NKAIN3: variants seen among roughly 807,000 people sequenced by gnomAD.
The protein encoded by NKAIN3 is sodium/potassium transporting ATPase interacting 3.
Under a neutral mutation model 30.2 loss-of-function variants are expected in NKAIN3, and 25 were observed. The observed-to-expected ratio is 0.83, with a 90% CI of 0.60 to 1.16. The LOEUF (loss-of-function observed/expected upper bound fraction) is 1.16, where lower values mean the gene tolerates loss of function less well. Among genes scored for constraint, NKAIN3 ranks in the 50% most tolerant of loss-of-function variants. NKAIN3 has a pLI of 0.00. For synonymous variants in NKAIN3, 91 were observed against 89.6 expected (o/e 1.02, Z -0.09); for missense variants, 225 against 254.1 (o/e 0.89, Z 0.78).
chr8:62,828,030 T>G (rs1008239674), intron 4 of NKAIN3, among the ~76,000 whole-genome samples: 1 of 151,702 alleles, frequency 6.6e-6, no homozygotes, highest in Non-Finnish European at 1.5e-5. Context: ...CTTCATCAGG[T>G]GAAGAGAAAA....
At chr8:62,599,632 G>A (rs1810933229) in intron 3 of NKAIN3, among the ~76,000 whole-genome samples, 1 of 152,064 alleles carries the variant, frequency 6.6e-6, no homozygotes, top group African/African-American at 2.4e-5. Flanking sequence ...TGCAAGAGCT[G>A]TAAAAGGGAA....
chr8:62,495,374 T>G (rs1807201886), intron 1 of NKAIN3, among the ~76,000 whole-genome samples: 1 of 151,894 alleles, frequency 6.6e-6, no homozygotes, highest in Admixed American at 6.6e-5. Flanking sequence ...GATAAATGAG[T>G]GCAGAATATG....
chr8:62,598,572 C>T lies in NKAIN3; in HGVS notation c.273+8778C>T, dbSNP rs188036011. On this transcript the variant is annotated intron_variant, in intron 3 of 6. Coordinates refer to ENST00000623646, the MANE Select transcript of NKAIN3 (RefSeq NM_001304533.3). ...TGGTATAAGAGGAAGTTCTTAACCACGTTTCCACCCTGCTACATAGGGGCA... is the reference window on the plus strand; with the variant it reads ...TGGTATAAGAGGAAGTTCTTAACCATGTTTCCACCCTGCTACATAGGGGCA... 5.2e-4 allele frequency among the ~76,000 whole-genome samples: 79 copies of T among 152,200 alleles called. No homozygotes were observed. In the East Asian group the frequency reaches 6.8e-3, roughly 13 times the overall value.
chr8:62,757,674 A>C (rs1226579222), intron 4 of NKAIN3, among the ~76,000 whole-genome samples: 1 of 152,212 alleles, frequency 6.6e-6, no homozygotes, highest in Non-Finnish European at 1.5e-5. Context: ...TTGGATGGGA[A>C]GAAGGGAAAA....
At chr8:62,573,621 T>C (rs924500875) in intron 1 of NKAIN3, among the ~76,000 whole-genome samples, 2 of 152,166 alleles carry the variant, frequency 1.3e-5, no homozygotes, top group East Asian at 3.8e-4. Flanking sequence ...CTATTCTTTA[T>C]AGTGTACAGA....
chr8:62,984,002 C>T lies in NKAIN3; in HGVS notation c.*18595C>T, dbSNP rs990147153. 7.9e-5 allele frequency: 12 copies of T among 152,134 alleles called. No individual in the cohort carries two copies. Among genetic ancestry groups the T allele is most frequent in the African/African-American group, 2.9e-4 (12 of 41,432 alleles). The allele number at this position is 152,134 out of a possible 1,614,324, so 9.4% of individuals were successfully genotyped here. A position where few individuals can be genotyped will look rare whatever the true frequency, so the allele number is the denominator to read the frequency against. ...AAGGAACTCAGTAAAAGATCAAAAGCAATGCTCAAAGGGAGTGCCTGGGTA... is the reference window on the plus strand; with the variant it reads ...AAGGAACTCAGTAAAAGATCAAAAGTAATGCTCAAAGGGAGTGCCTGGGTA... On this transcript the variant is annotated 3_prime_UTR_variant, in exon 7 of 7. Coordinates refer to ENST00000623646, the MANE Select transcript of NKAIN3 (RefSeq NM_001304533.3).
At chr8:62,553,266 G>A (rs1477889904) in intron 1 of NKAIN3, among the ~76,000 whole-genome samples, 4 of 152,046 alleles carry the variant, frequency 2.6e-5, no homozygotes, top group Non-Finnish European at 5.9e-5. Context: ...ATGATTTAAA[G>A]CAAGATTGCC....
At position 62,976,981 on chromosome 8, in the gene NKAIN3, TC is replaced by T. The variant is rs1471733994; in HGVS notation, c.*11575del. ...GGATATGAAATTCTGGGTTGAAAAT[TC>T]TTTTCTTTAAGAATGTTGAATATTA... On this transcript the variant is annotated 3_prime_UTR_variant, in exon 7 of 7. Transcript: ENST00000623646. Among the ~76,000 whole-genome samples, 5 of 152,196 alleles carry T rather than the reference TC, an allele frequency of 3.3e-5. No individual in the cohort carries two copies. Among genetic ancestry groups the T allele is most frequent in the Non-Finnish European group, 7.3e-5 (5 of 68,028 alleles).
chr8:62,403,797 G>A (rs1254085747), intron 1 of NKAIN3, among the ~76,000 whole-genome samples: 2 of 152,200 alleles, frequency 1.3e-5, no homozygotes, highest in Non-Finnish European at 1.5e-5. Context: ...CCTCACTGGG[G>A]CACTGCCTGG....
chr8:62,726,778 G>A (rs1276213470), intron 3 of NKAIN3, among the ~76,000 whole-genome samples: 1 of 152,026 alleles, frequency 6.6e-6, no homozygotes, highest in East Asian at 1.9e-4. Context: ...GACATTTAAA[G>A]AAGAAATTAT....
At chr8:62,312,612 G>GT (rs1397170365) in intron 1 of NKAIN3, among the ~76,000 whole-genome samples, 1 of 142,746 alleles carries the variant, frequency 7.0e-6, no homozygotes, top group African/African-American at 3.1e-5. Flanking sequence ...GAGCCCAGGA[G>GT]TTTGAGACCA....
rs1817429477 is a variant in NKAIN3 at position 62,386,525 on chromosome 8, T to A, written c.54+137398T>A. ...CAATGTATGATTGCAAGTTAATTATTTGATTTATTTCTAATTTTTAAAATA... is the reference window on the plus strand; with the variant it reads ...CAATGTATGATTGCAAGTTAATTATATGATTTATTTCTAATTTTTAAAATA... On this transcript the variant is annotated intron_variant, in intron 1 of 6. Coordinates refer to ENST00000623646, the MANE Select transcript of NKAIN3 (RefSeq NM_001304533.3). Among the ~76,000 whole-genome samples, 4 of 152,208 alleles carry A rather than the reference T, an allele frequency of 2.6e-5. No individual in the cohort carries two copies. The South Asian group carries it at 8.3e-4, about 32-fold the overall frequency.
intron 3 of NKAIN3, among the ~76,000 whole-genome samples, chr8:62,656,662 C>T (rs369640920): frequency 5.9e-5 from 9 of 152,180 alleles, no homozygotes; most frequent in Middle Eastern, 3.4e-3. Context: ...TTGCGAATTG[C>T]GATAAGAGTG....
intron 1 of NKAIN3, among the ~76,000 whole-genome samples, chr8:62,426,280 G>A (rs1235713799): frequency 6.6e-6 from 1 of 151,836 alleles, no homozygotes; most frequent in Non-Finnish European, 1.5e-5. Flanking sequence ...TTGACAATGG[G>A]TATTTTAAAG....
chr8:62,511,003 T>C (rs926604204), intron 1 of NKAIN3, among the ~76,000 whole-genome samples: 3 of 152,052 alleles, frequency 2.0e-5, no homozygotes, highest in African/African-American at 7.2e-5. Context: ...TTCTCAGTCC[T>C]CCTAAGGAAA....
At chr8:62,373,166 C>T (rs16928784) in intron 1 of NKAIN3, among the ~76,000 whole-genome samples, 21,040 of 152,016 alleles carry the variant, frequency 0.14, 1,743 homozygotes, top group East Asian at 0.4. Flanking sequence ...ACATTTCATC[C>T]CAAATATTAT....
chr8:62,522,954 TA>T (rs1021246999), intron 1 of NKAIN3, among the ~76,000 whole-genome samples: 5 of 152,110 alleles, frequency 3.3e-5, no homozygotes, highest in Non-Finnish European at 5.9e-5. Context: ...TAGTGTACCC[TA>T]AGTGTACAGC....
intron 4 of NKAIN3, among the ~76,000 whole-genome samples, chr8:62,874,087 A>T (rs886286837): frequency 3.9e-5 from 6 of 152,266 alleles, no homozygotes; most frequent in African/African-American, 1.4e-4. Context: ...ATAAACCACT[A>T]GCTAGACTAA....
At chr8:62,658,804 T>G (rs1276785783) in intron 3 of NKAIN3, among the ~76,000 whole-genome samples, 1 of 152,172 alleles carries the variant, frequency 6.6e-6, no homozygotes, top group African/African-American at 2.4e-5. Context: ...TTCTCTTCCT[T>G]ATGCCTCCAG....
Sources: allele counts gnomAD v4.1 joint callset (sites outside exome capture counted in the v4.1 genomes callset), GRCh38; gene constraint gnomAD v4.1.1; transcripts MANE v1.5; gene names NCBI Gene and HGNC (gene_info 2026-07-23, HGNC 2026-07-21).